The following CSMD2 variants were observed in gnomAD, a reference collection of about 807,000 sequenced individuals.
CSMD2 encodes the protein CUB and Sushi multiple domains 2.
Under a neutral mutation model 398.5 loss-of-function variants are expected in CSMD2, and 130 were observed. That is an observed-to-expected ratio of 0.33 (90% CI 0.28 to 0.38). The LOEUF is 0.38. CSMD2 is among the 10% of genes least tolerant of loss of function. The probability of loss-of-function intolerance (pLI) is 1.00; values close to 1 mark genes in which losing one functional copy is unlikely to be tolerated. For synonymous variants in CSMD2, 1,828 were observed against 1,908.5 expected (o/e 0.96, Z 1.10); for missense variants, 3,829 against 4,764.9 (o/e 0.80, Z 5.78).
At chr1:33,757,147 G>C (rs926456838) in intron 13 of CSMD2, among the ~76,000 whole-genome samples, 12 of 151,802 alleles carry the variant, frequency 7.9e-5, no homozygotes, top group African/African-American at 2.9e-4. Context: ...TCACAATCTG[G>C]GGACTGTTGT....
At chr1:33,927,616 C>T (rs1323310763) in intron 4 of CSMD2, among the ~76,000 whole-genome samples, 1 of 152,116 alleles carries the variant, frequency 6.6e-6, no homozygotes, top group Non-Finnish European at 1.5e-5. Context: ...GAACCTAAGA[C>T]CTTGTGACTC....
chr1:33,723,095 C>A (rs567367379), intron 19 of CSMD2, among the ~76,000 whole-genome samples: 20 of 152,318 alleles, frequency 1.3e-4, no homozygotes, highest in African/African-American at 4.6e-4. Context: ...GACAATTATT[C>A]TCCACGTCTT....
chr1:33,851,619 C>A (rs1303397498), intron 5 of CSMD2, among the ~76,000 whole-genome samples: 1 of 152,144 alleles, frequency 6.6e-6, no homozygotes, highest in East Asian at 1.9e-4. Context: ...GGCAAATAGT[C>A]CCAAGGCCCT....
At chr1:34,074,004 C>T (rs1446556104) in intron 2 of CSMD2, among the ~76,000 whole-genome samples, 2 of 152,158 alleles carry the variant, frequency 1.3e-5, no homozygotes, top group Admixed American at 6.5e-5. Context: ...GGGGCAGGTG[C>T]CCCACACTTA....
chr1:33,868,163 G>A (rs1303956639), intron 5 of CSMD2, among the ~76,000 whole-genome samples: 1 of 152,120 alleles, frequency 6.6e-6, no homozygotes, highest in East Asian at 1.9e-4. Context: ...CTGGTGTGGT[G>A]CCAGCATTCC....
intron 3 of CSMD2, among the ~76,000 whole-genome samples, chr1:33,942,704 G>C (rs1644715471): frequency 6.6e-6 from 1 of 152,220 alleles, no homozygotes; most frequent in Non-Finnish European, 1.5e-5. Flanking sequence ...AGACTGAAAA[G>C]CTGAGATTGA....
At chr1:34,159,933 C>T (rs1030303103) in intron 1 of CSMD2, among the ~76,000 whole-genome samples, 5 of 152,300 alleles carry the variant, frequency 3.3e-5, no homozygotes, top group African/African-American at 9.6e-5. Flanking sequence ...CTAATCCTTC[C>T]AAAAACTCAG....
chr1:33,796,710 A>G (rs1416066354), intron 10 of CSMD2, among the ~76,000 whole-genome samples: 1 of 152,238 alleles, frequency 6.6e-6, no homozygotes, highest in Non-Finnish European at 1.5e-5. Context: ...GAAGACAACC[A>G]TAAGGTCTGA....
At chr1:34,070,289 T>A (rs909644743) in intron 2 of CSMD2, among the ~76,000 whole-genome samples, 1 of 152,202 alleles carries the variant, frequency 6.6e-6, no homozygotes, top group African/African-American at 2.4e-5. Context: ...GACTGTAGAA[T>A]CCCGTCTCTG....
At chr1:33,823,590 CAGGT>C (rs2125008748) in intron 7 of CSMD2, among the ~76,000 whole-genome samples, 1 of 152,154 alleles carries the variant, frequency 6.6e-6, no homozygotes, top group East Asian at 1.9e-4. Context: ...CAGGGAGTCA[CAGGT>C]GGGTGGGTGG....
At chr1:33,991,270 G>C (rs1212486569) in intron 3 of CSMD2, among the ~76,000 whole-genome samples, 1 of 152,118 alleles carries the variant, frequency 6.6e-6, no homozygotes, top group African/African-American at 2.4e-5. Context: ...GCCTCCCAAA[G>C]TGCTGGGATT....
At chr1:33,718,280 T>C (rs548402870) in intron 19 of CSMD2, among the ~76,000 whole-genome samples, 2 of 152,326 alleles carry the variant, frequency 1.3e-5, no homozygotes, top group South Asian at 2.1e-4. Context: ...AGGGAAGTTA[T>C]AGAGCAGCAT....
At chr1:33,610,860 G>A (rs968153521) in intron 41 of CSMD2, among the ~76,000 whole-genome samples, 181 bp downstream of exon 41, 2 of 152,266 alleles carry the variant, frequency 1.3e-5, no homozygotes, top group African/African-American at 2.4e-5. Flanking sequence ...GAGAACTTAA[G>A]CTGACAAATG....
At chr1:33,813,559 C>T (rs76515533) in intron 9 of CSMD2, among the ~76,000 whole-genome samples, 17,262 of 152,104 alleles carry the variant, frequency 0.11, 1,159 homozygotes, top group East Asian at 0.26. Flanking sequence ...GAGAGACTTC[C>T]CTGAGATCTT....
At chr1:34,122,434 GA>G (rs1662288274) in intron 1 of CSMD2, among the ~76,000 whole-genome samples, 1 of 152,098 alleles carries the variant, frequency 6.6e-6, no homozygotes, top group Admixed American at 6.5e-5. Flanking sequence ...GCTGTATCCA[GA>G]ACCTCTGTCT....
At position 33,963,849 on chromosome 1, in the gene CSMD2, A is replaced by G. The variant is rs372808212; in HGVS notation, c.518-27895T>C. ...ATTATTTCTAGTTTTCTGTTCTTAC[A>G]AATAGAACCACTATAAACATTTGGG... On this transcript the variant is annotated intron_variant, in intron 3 of 70. Coordinates refer to ENST00000373381, the MANE Select transcript of CSMD2 (RefSeq NM_001281956.2). Among the ~76,000 whole-genome samples the G allele has an allele frequency of 6.6e-5, 10 of 152,242 alleles. No individual in the cohort carries two copies. The East Asian group carries it at 7.7e-4, about 12-fold the overall frequency.
chr1:33,820,610 G>A (rs1658027521), intron 7 of CSMD2, 54 bp from the exon 8 acceptor site: 2 of 1,222,688 alleles, frequency 1.6e-6, no homozygotes. Flanking sequence ...GAGATGGACA[G>A]TCACAGGGAG....
intron 37 of CSMD2, among the ~76,000 whole-genome samples, chr1:33,618,981 G>A (rs1013769581): frequency 3.3e-5 from 5 of 152,106 alleles, no homozygotes; most frequent in African/African-American, 1.2e-4. Context: ...CTCCCTGGCT[G>A]CCTCCCACAC....
intron 2 of CSMD2, among the ~76,000 whole-genome samples, chr1:34,045,638 T>A (rs922870656): frequency 6.6e-6 from 1 of 152,180 alleles, no homozygotes; most frequent in African/African-American, 2.4e-5. Context: ...AATCCCCATA[T>A]ACAGTACACT....
Sources: gnomAD v4.1 joint callset for allele counts (sites outside exome capture counted in the v4.1 genomes callset) on GRCh38, gnomAD v4.1.1 for gene constraint, MANE v1.5 for transcripts, NCBI Gene and HGNC (gene_info 2026-07-23, HGNC 2026-07-21) for gene names.